ARHGEF1: variants seen among roughly 807,000 people sequenced by gnomAD.
ARHGEF1 encodes the protein Rho guanine nucleotide exchange factor 1.
Under a neutral mutation model 119.7 loss-of-function variants are expected in ARHGEF1, and 40 were observed. The observed-to-expected ratio is 0.33, with a 90% CI of 0.26 to 0.44. The LOEUF (loss-of-function observed/expected upper bound fraction) is 0.44. Among genes scored for constraint, ARHGEF1 ranks in the 20% least tolerant of loss-of-function variants. The pLI, the probability that ARHGEF1 is intolerant of heterozygous loss-of-function variation, is 1.00. For synonymous variants in ARHGEF1, 494 were observed against 521.0 expected (o/e 0.95, Z 0.71); for missense variants, 976 against 1,268.3 (o/e 0.77, Z 3.50).
In ARHGEF1 at chr19:41,895,499, T is replaced by C; in HGVS notation, c.1015+13T>C. 6.3e-7 allele frequency: 1 copy of C among 1,586,134 alleles called. No individual in the cohort carries two copies. Among genetic ancestry groups the C allele is most frequent in the Non-Finnish European group, 8.6e-7 (1 of 1,162,938 alleles). On this transcript the variant is annotated intron_variant, in intron 12 of 28. Coordinates refer to ENST00000354532, the MANE Select transcript of ARHGEF1 (RefSeq NM_004706.4). The stretch of plus-strand genomic sequence containing the variant: ...GACCGGGAACCAGGTGAGAGTTTCC[T>C]GGGCCAGGGCTCCATGAGGCCCGGC...
chr19:41,918,125 GC>G (rs2074813218), upstream of ARHGEF1, among the ~76,000 whole-genome samples: 1 of 151,832 alleles, frequency 6.6e-6, no homozygotes, highest in African/African-American at 2.4e-5. Flanking sequence ...TTCCCACACT[GC>G]CCACATCAAA....
At chr19:41,919,742 T>A (rs181356371), upstream of ARHGEF1, among the ~76,000 whole-genome samples, 619 of 152,180 alleles carry the variant, frequency 4.1e-3, 3 homozygotes, top group African/African-American at 0.015. Flanking sequence ...CACTTGGTCC[T>A]TCCACCCTGT....
At chr19:41,897,158 C>A in intron 13 of ARHGEF1, 1 of 606,140 alleles carries the variant, frequency 1.6e-6, no homozygotes, top group Non-Finnish European at 2.6e-6. Flanking sequence ...CCCCTCTGCT[C>A]TGTGCCCTGG....
Position 41,888,619 on chromosome 19 carries a change from C to T in ARHGEF1, c.112-133C>T, listed in dbSNP as rs782268554. On this transcript the variant is annotated intron_variant, in intron 3 of 28. Transcript: ENST00000354532. The surrounding 1 kb of genome is among the most constrained non-coding windows in gnomAD (Gnocchi z 5.1). ...CTTGCTGTCACCATCATTTTTTGGA[C>T]ACTGTCACCACTCCCCACTTCCCAG... The T allele has an allele frequency of 5.3e-6, 4 of 755,912 alleles. No homozygotes were observed. The East Asian group carries it at 8.1e-5, about 15-fold the overall frequency. 46.8% of individuals were successfully genotyped at this position (755,912 alleles called of 1,614,324 possible). A position where few individuals can be genotyped will look rare whatever the true frequency, so the allele number is the denominator to read the frequency against.
At position 41,902,199 on chromosome 19, in the gene ARHGEF1, C is replaced by G. The variant is rs2074615261; in HGVS notation, c.1415-75C>G. 1.9e-6 allele frequency: 3 copies of G among 1,585,974 alleles called. No individual in the cohort carries two copies. Among genetic ancestry groups the G allele is most frequent in the African/African-American group, 1.3e-5 (1 of 74,426 alleles). On this transcript the variant is annotated intron_variant, in intron 15 of 28. Coordinates refer to ENST00000354532, the MANE Select transcript of ARHGEF1 (RefSeq NM_004706.4). The surrounding 1 kb of genome is among the most constrained non-coding windows in gnomAD (Gnocchi z 6.5). ...CACAGACACACCTGCAGCCCTACCC[C>G]CACCACACCGCAGCAGGCCCCGCAC...
In ARHGEF1 at chr19:41,903,575, T is replaced by C; in HGVS notation, c.1840-132T>C. On this transcript the variant is annotated intron_variant, in intron 19 of 28. Coordinates refer to ENST00000354532, the MANE Select transcript of ARHGEF1 (RefSeq NM_004706.4). This position sits in a 1 kb window ranked among gnomAD's most constrained non-coding sequence, Gnocchi z 4.2. ...CCTCAGCATCTCCCTCTCAGGGTCATTGGAGGTCAGGCCCAACCCTCAGCT... is the reference window on the plus strand; with the variant it reads ...CCTCAGCATCTCCCTCTCAGGGTCACTGGAGGTCAGGCCCAACCCTCAGCT... The C allele has an allele frequency of 1.8e-6, 2 of 1,136,068 alleles. No homozygotes were observed. The highest frequency in any genetic ancestry group is 2.6e-6 in the Non-Finnish European group (2 of 783,388). The allele number at this position is 1,136,068 out of a possible 1,614,324, so 70.4% of individuals were successfully genotyped here.
At position 41,907,000 on chromosome 19, in the gene ARHGEF1, C is replaced by G. The variant is rs2074710913; in HGVS notation, c.*18-105C>G. On this transcript the variant is annotated intron_variant, in intron 28 of 28. Coordinates refer to ENST00000354532, the MANE Select transcript of ARHGEF1 (RefSeq NM_004706.4). This position sits in a 1 kb window ranked among gnomAD's most constrained non-coding sequence, Gnocchi z 4.5. ...GTCTCTGTGCCCGCCTGCCTCTCCCCACCTCCCCTTCTCTCTCTGCTCTCC... is the reference window on the plus strand; with the variant it reads ...GTCTCTGTGCCCGCCTGCCTCTCCCGACCTCCCCTTCTCTCTCTGCTCTCC... The G allele has an allele frequency of 8.6e-7, 1 of 1,167,278 alleles. No homozygotes were observed. Among genetic ancestry groups the G allele is most frequent in the African/African-American group, 1.6e-5 (1 of 64,176 alleles). 72.3% of individuals were successfully genotyped at this position (1,167,278 alleles called of 1,614,324 possible).
intron 1 of ARHGEF1, among the ~76,000 whole-genome samples, chr19:41,885,927 A>G (rs1291769594): frequency 1.3e-5 from 2 of 151,978 alleles, no homozygotes; most frequent in African/African-American, 4.8e-5. Flanking sequence ...TATCTTTTGT[A>G]GAGATGGGGG....
intron 4 of ARHGEF1, among the ~76,000 whole-genome samples, chr19:41,890,935 G>A (rs553459406): frequency 6.6e-6 from 1 of 152,178 alleles, no homozygotes; most frequent in South Asian, 2.1e-4. Flanking sequence ...AAAAGAAAAA[G>A]GAGAAAAAGT....
chr19:41,883,281 G>C lies in ARHGEF1; in HGVS notation c.-28G>C, dbSNP rs1555844697. ...GGCGCCCCGCCGGTCACCTCCGCGC[G>C]GACACCAGGTACTCGGTCCCCGGCC... is the stretch of plus-strand genomic sequence containing the variant. On this transcript the variant is annotated 5_prime_UTR_variant, in exon 1 of 29. Coordinates refer to ENST00000354532, the MANE Select transcript of ARHGEF1 (RefSeq NM_004706.4). This position sits in a 1 kb window ranked among gnomAD's most constrained non-coding sequence, Gnocchi z 7.6. 2.1e-5 allele frequency: 4 copies of C among 191,048 alleles called. No homozygotes were observed. The allele number at this position is 191,048 out of a possible 1,614,324, so 11.8% of individuals were successfully genotyped here.
At chr19:41,911,720 A>G (rs915485154), downstream of ARHGEF1, among the ~76,000 whole-genome samples, 4 of 152,046 alleles carry the variant, frequency 2.6e-5, no homozygotes, top group South Asian at 6.2e-4. Flanking sequence ...TGGGGAGGCA[A>G]CTGTATCACA....
rs2074644506 is a variant in ARHGEF1 at position 41,903,809 on chromosome 19, C to T, written c.1917+25C>T. The T allele has an allele frequency of 6.2e-7, 1 of 1,610,472 alleles. No individual in the cohort carries two copies. On this transcript the variant is annotated intron_variant, in intron 20 of 28. Transcript: ENST00000354532. This position sits in a 1 kb window ranked among gnomAD's most constrained non-coding sequence, Gnocchi z 4.2. ...GGTGTGACCATACCCTCCTGCCTCCCCCGCCCCCCTACTCCTTGGCCCAGG... is the reference window on the plus strand; with the variant it reads ...GGTGTGACCATACCCTCCTGCCTCCTCCGCCCCCCTACTCCTTGGCCCAGG...
downstream of ARHGEF1, among the ~76,000 whole-genome samples, chr19:41,911,087 A>G (rs2074748935): frequency 6.6e-6 from 1 of 152,156 alleles, no homozygotes; most frequent in Admixed American, 6.5e-5. Flanking sequence ...GGGTGACAGC[A>G]TGTCAGTAGA....
chr19:41,905,362 C>A lies in ARHGEF1; in HGVS notation c.2336+101C>A. On this transcript the variant is annotated intron_variant, in intron 24 of 28. Coordinates refer to ENST00000354532, the MANE Select transcript of ARHGEF1 (RefSeq NM_004706.4). The surrounding 1 kb of genome is among the most constrained non-coding windows in gnomAD (Gnocchi z 6.4). Reference sequence around the variant, plus strand: ...CCAGAACCGTCTCTGTGTGAGCATGCACATGTGTGAATGCATGTGTGTGCA... The same window carrying A: ...CCAGAACCGTCTCTGTGTGAGCATGAACATGTGTGAATGCATGTGTGTGCA... The A allele has an allele frequency of 9.4e-7, 1 of 1,068,430 alleles. No homozygotes were observed. Among genetic ancestry groups the A allele is most frequent in the Non-Finnish European group, 1.4e-6 (1 of 734,326 alleles). 66.2% of individuals were successfully genotyped at this position (1,068,430 alleles called of 1,614,324 possible).
rs1555849719 is a variant in ARHGEF1, at chr19:41,904,434, G to T, written c.2161+51G>T. On this transcript the variant is annotated intron_variant, in intron 22 of 28. Coordinates refer to ENST00000354532, the MANE Select transcript of ARHGEF1 (RefSeq NM_004706.4). The surrounding 1 kb of genome is among the most constrained non-coding windows in gnomAD (Gnocchi z 8.4). ...GGGCAGAGGGTGTCTTTTTTGGGCA[G>T]AGCTGCCTGTGGAGTGGGGAGCAGA... 3 of 1,494,474 alleles carry T rather than the reference G, an allele frequency of 2.0e-6. No individual in the cohort carries two copies. In the South Asian group the frequency reaches 3.8e-5, roughly 19 times the overall value. The allele number at this position is 1,494,474 out of a possible 1,614,324, so 92.6% of individuals were successfully genotyped here. A position where few individuals can be genotyped will look rare whatever the true frequency, so the allele number is the denominator to read the frequency against.
At chr19:41,912,893 A>G (rs1599672614) in intron 18 of ARHGEF1, 1 of 1,231,556 alleles carries the variant, frequency 8.1e-7, no homozygotes, top group Non-Finnish European at 1.0e-6. Context: ...GGGCGAAGAG[A>G]AGGTCGGAGA....
downstream of ARHGEF1, among the ~76,000 whole-genome samples, chr19:41,911,507 A>AG (rs782248791): frequency 3.9e-5 from 6 of 152,220 alleles, no homozygotes; most frequent in East Asian, 5.8e-4. Flanking sequence ...GTGGAAGGCA[A>AG]GGGGGCGCAG....
At chr19:41,909,959 TC>T, downstream of ARHGEF1, 1 of 1,613,852 alleles carries the variant, frequency 6.2e-7, no homozygotes, top group Non-Finnish European at 8.5e-7. The surrounding 1 kb of genome is among the most constrained non-coding windows in gnomAD (Gnocchi z 5.2). Context: ...GATGACGAAT[TC>T]CCCGTAGTCC....
At chr19:41,884,297 G>A (rs2074260138) in intron 1 of ARHGEF1, 2 of 928,306 alleles carry the variant, frequency 2.2e-6, no homozygotes, top group African/African-American at 3.3e-5. Context: ...AGCGGCCGGC[G>A]GGAGGAGTAG....
Sources: gnomAD v4.1 joint callset for allele counts (sites outside exome capture counted in the v4.1 genomes callset) on GRCh38, gnomAD v4.1.1 for gene constraint, Gnocchi (gnomAD v3.1) non-coding constraint, MANE v1.5 for transcripts, NCBI Gene and HGNC (gene_info 2026-07-23, HGNC 2026-07-21) for gene names.